FRMPD4: variants seen among roughly 807,000 people sequenced by gnomAD.
FRMPD4 encodes the protein FERM and PDZ domain-containing protein 4.
Under a neutral mutation model 94.1 loss-of-function variants are expected in FRMPD4, and 22 were observed. The ratio of observed to expected loss-of-function variants is 0.23; its 90% CI spans 0.17 to 0.33. FRMPD4 has a LOEUF of 0.33. Ranked by LOEUF, FRMPD4 falls within the 10% of genes least tolerant of loss-of-function variation. The pLI is 1.00. For synonymous variants in FRMPD4, 631 were observed against 548.6 expected (o/e 1.15, Z -2.10); for missense variants, 1,111 against 1,339.9 (o/e 0.83, Z 2.67).
chrX:11,976,785 CA>C, intron 3 of FRMPD4, among the ~76,000 whole-genome samples: 1 of 111,917 alleles, frequency 8.9e-6, no homozygotes, highest in East Asian at 2.8e-4. Flanking sequence ...TAACATTGCT[CA>C]AAAAGAGCCC....
At chrX:12,333,665 G>C (rs2055468794) in intron 1 of FRMPD4, among the ~76,000 whole-genome samples, 1 of 111,892 alleles carries the variant, frequency 8.9e-6, no homozygotes, top group Non-Finnish European at 1.9e-5. Context: ...GTAAACATAA[G>C]TTTTTTGACA....
intron 4 of FRMPD4, among the ~76,000 whole-genome samples, chrX:12,634,137 T>A (rs2059421945): frequency 8.9e-6 from 1 of 112,598 alleles, no homozygotes; most frequent in Non-Finnish European, 1.9e-5. Context: ...CAATTCTGGG[T>A]CAAATAATAA....
chrX:12,669,444 A>G (rs1021008308), intron 4 of FRMPD4, among the ~76,000 whole-genome samples: 6 of 109,154 alleles, frequency 5.5e-5, no homozygotes, highest in African/African-American at 2.0e-4. Flanking sequence ...TTTCTAACTC[A>G]CATGAACTGT....
rs2054807701 is a variant in FRMPD4, at chrX:12,049,930, T to C, written c.95+171912T>C. Among the ~76,000 whole-genome samples the C allele has an allele frequency of 2.7e-5, 3 of 111,948 alleles. No individual in the cohort carries two copies. In the South Asian group the frequency reaches 1.1e-3, roughly 41 times the overall value. The stretch of plus-strand genomic sequence containing the variant: ...GAAAAAAGTTTATAGAATAAGAATA[T>C]AACAAGAAAATATTTTGTACAGCTC... On this transcript the variant is annotated intron_variant, in intron 3 of 18. Coordinates refer to the FRMPD4 transcript ENST00000640291.
At chrX:12,128,088 G>T (rs985430632) in intron 3 of FRMPD4, among the ~76,000 whole-genome samples, 8 of 112,873 alleles carry the variant, frequency 7.1e-5, no homozygotes, top group African/African-American at 2.3e-4. Context: ...AGTGCAAGCT[G>T]TCGGTGGAGC....
At chrX:12,157,157 A>G (rs1437667980) in intron 1 of FRMPD4, among the ~76,000 whole-genome samples, 1 of 111,925 alleles carries the variant, frequency 8.9e-6, no homozygotes, top group African/African-American at 3.3e-5. Context: ...AGTTCCACAA[A>G]ATATTGAGTT....
intron 2 of FRMPD4, among the ~76,000 whole-genome samples, chrX:12,607,464 G>A (rs757311728): frequency 8.9e-6 from 1 of 111,808 alleles, no homozygotes; most frequent in African/African-American, 3.2e-5. Flanking sequence ...CCTGGGCTGG[G>A]TTTCATGTTC....
At chrX:11,885,698 A>G (rs748850890) in intron 3 of FRMPD4, among the ~76,000 whole-genome samples, 123 of 110,693 alleles carry the variant, frequency 1.1e-3, no homozygotes, top group Admixed American at 3.8e-4. Context: ...TTTGTCTTCC[A>G]TTGTCTTTAG....
At chrX:12,163,673 T>C (rs2056064826) in intron 1 of FRMPD4, among the ~76,000 whole-genome samples, 1 of 112,183 alleles carries the variant, frequency 8.9e-6, no homozygotes, top group Non-Finnish European at 1.9e-5. Flanking sequence ...AATGACTTCA[T>C]GGGGCTCAGC....
intron 2 of FRMPD4, among the ~76,000 whole-genome samples, chrX:12,530,089 ACTT>A (rs1375556065): frequency 8.9e-6 from 1 of 111,778 alleles, no homozygotes; most frequent in Non-Finnish European, 1.9e-5. Context: ...AGGCCATAGA[ACTT>A]CTTCTGTTGG....
chrX:12,675,048 T>C (rs1023402997), intron 5 of FRMPD4, 140 bp downstream of exon 5: 3 of 499,588 alleles, frequency 6.0e-6, no homozygotes, highest in Admixed American at 3.0e-5. Flanking sequence ...AAATCTTGAC[T>C]ATTTTTGTAA....
At chrX:12,628,303 T>C (rs938215680) in intron 4 of FRMPD4, among the ~76,000 whole-genome samples, 2 of 112,038 alleles carry the variant, frequency 1.8e-5, no homozygotes, top group Admixed American at 9.5e-5. Context: ...AGAGGAGGCA[T>C]TGGGAGATGT....
At chrX:11,902,127 G>A (rs775470681) in intron 3 of FRMPD4, among the ~76,000 whole-genome samples, 1 of 112,560 alleles carries the variant, frequency 8.9e-6, no homozygotes, top group African/African-American at 3.2e-5. Flanking sequence ...TCAGTTTCAG[G>A]TCTGTCAGGA....
At chrX:12,550,327 T>A in intron 2 of FRMPD4, among the ~76,000 whole-genome samples, 1 of 95,103 alleles carries the variant, frequency 1.1e-5, no homozygotes, top group Non-Finnish European at 2.1e-5. Context: ...AAGTTCTGTG[T>A]TGAATATGGA....
At chrX:12,666,309 A>T (rs1394040073) in intron 4 of FRMPD4, among the ~76,000 whole-genome samples, 6 of 111,471 alleles carry the variant, frequency 5.4e-5, no homozygotes, top group Non-Finnish European at 1.1e-4. Context: ...AAAGAGACTT[A>T]GACTCCCACA....
At chrX:11,856,124 A>G (rs1163608200) in intron 1 of FRMPD4, among the ~76,000 whole-genome samples, 1 of 111,406 alleles carries the variant, frequency 9.0e-6, no homozygotes, top group Admixed American at 9.6e-5. Flanking sequence ...CGCTTATAAA[A>G]CCATCAGATC....
intron 1 of FRMPD4, among the ~76,000 whole-genome samples, chrX:12,391,926 A>C (rs2056480270): frequency 8.9e-6 from 1 of 111,893 alleles, no homozygotes; most frequent in African/African-American, 3.3e-5. Context: ...AGCTTTGTCA[A>C]ATAAAACATT....
chrX:12,165,182 G>C (rs372378342), intron 1 of FRMPD4, among the ~76,000 whole-genome samples: 602 of 91,983 alleles, frequency 6.5e-3, no homozygotes, highest in African/African-American at 0.01. Flanking sequence ...TATGGTTTTA[G>C]GTCTAACATG....
chrX:12,231,045 TATAAA>T (rs1298760829), intron 1 of FRMPD4, among the ~76,000 whole-genome samples: 5 of 64,239 alleles, frequency 7.8e-5, no homozygotes, highest in East Asian at 9.1e-4. Flanking sequence ...TATATATATA[TATAAA>T]ATATATATAT....
Sources: allele counts gnomAD v4.1 joint callset (sites outside exome capture counted in the v4.1 genomes callset), GRCh38; gene constraint gnomAD v4.1.1; transcripts MANE v1.5; gene names NCBI Gene and HGNC (gene_info 2026-07-23, HGNC 2026-07-21).